Variants in HDX observed in about 807,000 individuals in gnomAD.
The protein encoded by HDX is highly divergent homeobox.
Under a neutral mutation model 45.2 loss-of-function variants are expected in HDX, and 19 were observed. The ratio of observed to expected loss-of-function variants is 0.42; its 90% CI spans 0.29 to 0.62. HDX has a LOEUF of 0.62. HDX is among the 20% of genes least tolerant of loss of function. The probability of loss-of-function intolerance (pLI) is 0.20; values close to 1 mark genes in which losing one functional copy is unlikely to be tolerated. For missense variants in HDX, 532 were observed against 493.9 expected, an observed-to-expected ratio of 1.08 and a Z score of -0.73; for synonymous variants, 188 against 172.8, an observed-to-expected ratio of 1.09 and a Z score of -0.69.
chrX:84,326,140 T>G, intron 10 of HDX, 38 bp downstream of exon 10: 5 of 1,189,065 alleles, frequency 4.2e-6, no homozygotes, highest in Admixed American at 2.2e-5. Context: ...TTTTTTGACT[T>G]GATACATTGC....
Position 84,321,168 on chromosome X carries a change from A to C in HDX, c.*721T>G, listed in dbSNP as rs767893870. The C allele has an allele frequency of 9.0e-6, 1 of 111,058 alleles. No homozygotes were observed. The highest frequency in any genetic ancestry group is 1.9e-5 in the Non-Finnish European group (1 of 52,469). 9.2% of individuals were successfully genotyped at this position (111,058 alleles called of 1,213,427 possible). Reference sequence around the variant, plus strand: ...ATACTTGTCATTTGTAGTAATGAAGAATCCCCATCAAGACTAATTTTGACA... The same window carrying C: ...ATACTTGTCATTTGTAGTAATGAAGCATCCCCATCAAGACTAATTTTGACA... On this transcript the variant is annotated 3_prime_UTR_variant, in exon 11 of 11. Coordinates refer to ENST00000373177, the MANE Select transcript of HDX (RefSeq NM_001177479.2).
chrX:84,412,711 G>A (rs186050219), intron 5 of HDX, among the ~76,000 whole-genome samples: 1 of 111,472 alleles, frequency 9.0e-6, no homozygotes, highest in Admixed American at 9.6e-5. Flanking sequence ...TTTGAATGTT[G>A]GCCTCTCCAA....
chrX:84,351,794 A>G (rs750479340), intron 6 of HDX, among the ~76,000 whole-genome samples: 2 of 111,511 alleles, frequency 1.8e-5, no homozygotes, highest in Non-Finnish European at 3.8e-5. Context: ...TGCTATTTAT[A>G]TAATGTCCAG....
intron 5 of HDX, among the ~76,000 whole-genome samples, chrX:84,425,566 T>A (rs2039365538): frequency 9.0e-6 from 1 of 111,654 alleles, no homozygotes; most frequent in African/African-American, 3.3e-5. Context: ...CATCTGTCCA[T>A]CAGAAAATGA....
At chrX:84,423,012 TA>T (rs1057255362) in intron 5 of HDX, among the ~76,000 whole-genome samples, 1 of 109,190 alleles carries the variant, frequency 9.2e-6, no homozygotes, top group Admixed American at 9.8e-5. Context: ...CTAAGAAATT[TA>T]AAAAAAAGAA....
At chrX:84,389,754 CATCT>C (rs1167578500) in intron 5 of HDX, among the ~76,000 whole-genome samples, 1 of 110,747 alleles carries the variant, frequency 9.0e-6, no homozygotes, top group African/African-American at 3.3e-5. Flanking sequence ...GGGAGATGGC[CATCT>C]ATTACTGCTC....
At chrX:84,421,882 C>A in intron 5 of HDX, among the ~76,000 whole-genome samples, 1 of 110,088 alleles carries the variant, frequency 9.1e-6, no homozygotes, top group African/African-American at 3.3e-5. Flanking sequence ...ATATATGAAC[C>A]CAACACTGGA....
chrX:84,468,681 T>C lies in HDX; in HGVS notation c.1042A>G (p.Asn348Asp), dbSNP rs755249075. The part of the protein sequence containing the change: ...QSTTLPGPGR[N>D]MPNSQMVNIR... ...TTCACCATTTGTGAATTTGGCATAT[T>C]TCTTCCTGGTCCGGGCAAGGTTGTA... Residue 348 changes from asparagine to aspartate, a missense_variant, in exon 4 of 11, where the codon AAT becomes GAT. By Grantham distance (23) the Asn-to-Asp change is conservative (BLOSUM62 1). Around this residue, in one of 3 missense-constraint regions of HDX, gnomAD observed 376 missense variants for 343.7 expected, o/e 1.09. Coordinates refer to ENST00000373177, the MANE Select transcript of HDX (RefSeq NM_001177479.2). 53 of 1,209,094 alleles carry C rather than the reference T, an allele frequency of 4.4e-5. No homozygotes were observed. Among genetic ancestry groups the C allele is most frequent in the Non-Finnish European group, 5.7e-5 (51 of 894,650 alleles).
At chrX:84,367,633 A>C (rs2037790482) in intron 5 of HDX, among the ~76,000 whole-genome samples, 2 of 112,511 alleles carry the variant, frequency 1.8e-5, no homozygotes, top group African/African-American at 6.5e-5. Context: ...TGGATTAAGA[A>C]AATGTGGCAC....
intron 6 of HDX, among the ~76,000 whole-genome samples, chrX:84,357,421 A>T (rs1034336168): frequency 4.6e-4 from 51 of 111,883 alleles, no homozygotes; most frequent in Non-Finnish European, 6.2e-4. Flanking sequence ...GTAAATTATG[A>T]ACTACAGGGA....
chrX:84,419,161 G>A (rs556357184), intron 5 of HDX, among the ~76,000 whole-genome samples: 1 of 111,197 alleles, frequency 9.0e-6, no homozygotes, highest in South Asian at 3.9e-4. Flanking sequence ...CAATGTCTTG[G>A]GAAGAGTCAG....
At chrX:84,458,822 T>C (rs1044303392) in intron 4 of HDX, among the ~76,000 whole-genome samples, 3 of 111,687 alleles carry the variant, frequency 2.7e-5, no homozygotes, top group Non-Finnish European at 3.8e-5. Flanking sequence ...AAATATACTA[T>C]GAAAGGTCAG....
In HDX at chrX:84,502,437, G is replaced by C. The variant is rs1408156268; in HGVS notation, c.-205C>G. 9.0e-6 allele frequency: 1 copy of C among 111,688 alleles called. No individual in the cohort carries two copies. Among genetic ancestry groups the C allele is most frequent in the Admixed American group, 9.5e-5 (1 of 10,539 alleles). The allele number at this position is 111,688 out of a possible 1,213,427, so 9.2% of individuals were successfully genotyped here. A position where few individuals can be genotyped will look rare whatever the true frequency, so the allele number is the denominator to read the frequency against. On this transcript the variant is annotated 5_prime_UTR_variant, in exon 1 of 11. Coordinates refer to ENST00000373177, the MANE Select transcript of HDX (RefSeq NM_001177479.2). ...CAGCGAGATTTTTCCTGGGTCTCCA[G>C]TGCCGCTTCAGACAATGAAATCAGC...
At chrX:84,486,432 A>G (rs1053422954) in intron 2 of HDX, among the ~76,000 whole-genome samples, 1 of 111,388 alleles carries the variant, frequency 9.0e-6, no homozygotes, top group Non-Finnish European at 1.9e-5. Flanking sequence ...TTTACCCAGA[A>G]TTTGCCATTT....
intron 5 of HDX, among the ~76,000 whole-genome samples, chrX:84,407,671 C>T (rs1006238191): frequency 3.6e-5 from 4 of 111,023 alleles, no homozygotes; most frequent in African/African-American, 1.3e-4. Flanking sequence ...ATTTACATTC[C>T]CACCAATGTA....
intron 4 of HDX, among the ~76,000 whole-genome samples, chrX:84,443,939 T>C (rs966605033): frequency 2.9e-4 from 32 of 111,789 alleles, no homozygotes; most frequent in African/African-American, 1.0e-3. Flanking sequence ...TAGCAAGAAC[T>C]ATTGCTTGAG....
intron 5 of HDX, among the ~76,000 whole-genome samples, chrX:84,376,516 A>C (rs1262045933): frequency 1.8e-5 from 2 of 111,216 alleles, no homozygotes; most frequent in Non-Finnish European, 3.8e-5. Context: ...CTTCCCTGAA[A>C]GTTGAGTCTC....
chrX:84,446,105 G>A (rs2039867302), intron 4 of HDX, among the ~76,000 whole-genome samples: 1 of 111,096 alleles, frequency 9.0e-6, no homozygotes, highest in Non-Finnish European at 1.9e-5. Flanking sequence ...AATAATGGAA[G>A]ATAAAAATAA....
At chrX:84,417,820 G>T (rs938392804) in intron 5 of HDX, among the ~76,000 whole-genome samples, 1 of 111,695 alleles carries the variant, frequency 9.0e-6, no homozygotes, top group African/African-American at 3.3e-5. Context: ...TGGATGCTTG[G>T]GGCAGCTGTG....
Sources: allele counts gnomAD v4.1 joint callset (sites outside exome capture counted in the v4.1 genomes callset), GRCh38; gene constraint gnomAD v4.1.1; regional missense constraint gnomAD v4.1.1; transcripts MANE v1.5; gene names NCBI Gene and HGNC (gene_info 2026-07-23, HGNC 2026-07-21).